Variants in FLT1 observed in about 807,000 individuals in gnomAD.
FLT1 encodes fms related receptor tyrosine kinase 1.
A neutral mutation model predicts 156.3 loss-of-function variants in FLT1; 49 were observed. The observed-to-expected ratio is 0.31, with a 90% CI of 0.25 to 0.40. FLT1 has a LOEUF of 0.40. FLT1 is among the 10% of genes least tolerant of loss of function. The pLI, the probability that FLT1 is intolerant of heterozygous loss-of-function variation, is 1.00. For missense variants in FLT1, 1,322 were observed against 1,637.2 expected, an observed-to-expected ratio of 0.81 and a Z score of 3.32; for synonymous variants, 594 against 583.8, an observed-to-expected ratio of 1.02 and a Z score of -0.25.
At chr13:28,430,025 G>T in intron 8 of FLT1, 25 bp downstream of exon 8, 1 of 1,423,202 alleles carries the variant, frequency 7.0e-7, no homozygotes, top group African/African-American at 1.4e-5. Context: ...GTCTTAAACT[G>T]TTATGGAAAT....
chr13:28,362,674 A>G (rs1042941727), intron 14 of FLT1, among the ~76,000 whole-genome samples: 23 of 152,178 alleles, frequency 1.5e-4, no homozygotes, highest in African/African-American at 5.3e-4. Flanking sequence ...GGAAAAAACA[A>G]CAACAACAAA....
chr13:28,360,423 T>C (rs906650218), intron 14 of FLT1, among the ~76,000 whole-genome samples: 1 of 152,196 alleles, frequency 6.6e-6, no homozygotes, highest in Non-Finnish European at 1.5e-5. Flanking sequence ...ATAGCCAAGA[T>C]ATGGAGGCAA....
At position 28,488,431 on chromosome 13, in the gene FLT1, C is replaced by T. The variant is rs114010909; in HGVS notation, c.64+6349G>A. 6.5e-3 allele frequency among the ~76,000 whole-genome samples: 983 copies of T among 152,156 alleles called. 10 individuals are homozygous for T. Among genetic ancestry groups the T allele is most frequent in the African/African-American group, 0.023 (945 of 41,512 alleles). On this transcript the variant is annotated intron_variant, in intron 1 of 29. Coordinates refer to ENST00000282397, the MANE Select transcript of FLT1 (RefSeq NM_002019.4). ...AAGGAAATGGACCCTGACACCAGAA[C>T]TGACTTTGGATCCTTTACTAAAATC... is the stretch of plus-strand genomic sequence containing the variant.
At chr13:28,433,628 A>G (rs1877836378) in intron 6 of FLT1, among the ~76,000 whole-genome samples, 191 bp downstream of exon 6, 1 of 152,240 alleles carries the variant, frequency 6.6e-6, no homozygotes, top group Non-Finnish European at 1.5e-5. Flanking sequence ...ATCAAAAGAC[A>G]GTATCTATGC....
chr13:28,372,076 ATTTTT>A (rs56114428), intron 14 of FLT1, among the ~76,000 whole-genome samples: 16 of 11,744 alleles, frequency 1.4e-3, no homozygotes, highest in African/African-American at 3.8e-3. Context: ...ATATATATAT[ATTTTT>A]TTTTTTTTTT....
intron 1 of FLT1, among the ~76,000 whole-genome samples, chr13:28,477,914 C>G (rs575534629): frequency 6.6e-6 from 1 of 152,162 alleles, no homozygotes; most frequent in Non-Finnish European, 1.5e-5. Flanking sequence ...CAACTGATTG[C>G]TCAGTGGAGA....
Position 28,327,546 on chromosome 13 carries a change from A to C in FLT1, c.2712T>G (p.Pro904=), listed in dbSNP as rs1457248915. 6.2e-7 allele frequency: 1 copy of C among 1,610,466 alleles called. No homozygotes were observed. The highest frequency in any genetic ancestry group is 1.3e-5 in the African/African-American group (1 of 74,852). ...LLGACTKQGG[P]LMVIVEYCKY... ...TGCAGTATTCAACAATCACCATCAG[A>C]GGCCCTGCAGCCAAAACAGCACATG... Residue 904 remains proline, a synonymous_variant, in exon 20 of 30, where the codon CCT becomes CCG. Coordinates refer to ENST00000282397, the MANE Select transcript of FLT1 (RefSeq NM_002019.4).
intron 1 of FLT1, among the ~76,000 whole-genome samples, chr13:28,481,718 G>C: frequency 6.6e-6 from 1 of 152,224 alleles, no homozygotes; most frequent in East Asian, 1.9e-4. Context: ...TTTAGAAGTA[G>C]AATAGGTGAA....
intron 25 of FLT1, among the ~76,000 whole-genome samples, chr13:28,315,228 T>G (rs60335633): frequency 0.095 from 14,432 of 152,258 alleles, 2,192 homozygotes; most frequent in African/African-American, 0.32. Context: ...CAAATAACTA[T>G]TTAATCAGTA....
At chr13:28,430,188 C>T (rs112941796) in intron 7 of FLT1, 21 bp from the exon 8 acceptor site, 26 of 1,519,420 alleles carry the variant, frequency 1.7e-5, no homozygotes, top group Non-Finnish European at 2.4e-5. Context: ...AGAAGTGATA[C>T]ATACATTAGA....
At chr13:28,388,881 G>A (rs939651938) in intron 13 of FLT1, 49 of 1,063,440 alleles carry the variant, frequency 4.6e-5, no homozygotes, top group Non-Finnish European at 5.4e-5. Context: ...TAAAATTAAG[G>A]CATGATCCAC....
chr13:28,459,173 G>C (rs762422471), intron 3 of FLT1, among the ~76,000 whole-genome samples: 1 of 152,160 alleles, frequency 6.6e-6, no homozygotes, highest in Admixed American at 6.5e-5. Flanking sequence ...AATCTCACCT[G>C]GGTTTCCAGA....
chr13:28,396,510 CA>C (rs1446492084), intron 12 of FLT1, among the ~76,000 whole-genome samples: 1 of 152,164 alleles, frequency 6.6e-6, no homozygotes, highest in African/African-American at 2.4e-5. Context: ...CAGATTGCTA[CA>C]GAGCCTCATT....
intron 1 of FLT1, among the ~76,000 whole-genome samples, chr13:28,473,784 AAGAAAGAAAG>A (rs1880359735): frequency 1.1e-5 from 1 of 93,742 alleles, no homozygotes; most frequent in Non-Finnish European, 2.3e-5. Context: ...GAAGGAAAGA[AAGAAAGAAAG>A]AAAGAAAGAA....
In FLT1 at chr13:28,312,817, G is replaced by C. The variant is rs142944529; in HGVS notation, c.3387-719C>G. Among the ~76,000 whole-genome samples, 484 of 152,248 alleles carry C rather than the reference G, an allele frequency of 3.2e-3. 1 individual carries two copies. The highest frequency in any genetic ancestry group is 4.7e-3 in the Non-Finnish European group (320 of 68,028). ...CACTGCAAAGCCGCTGTTACAAACT[G>C]GCCTCCCACCACTCAAGGCACACAG... On this transcript the variant is annotated intron_variant, in intron 25 of 29. Transcript: ENST00000282397.
At chr13:28,453,017 T>TCCC (rs1438754387) in intron 3 of FLT1, among the ~76,000 whole-genome samples, 4 of 8,084 alleles carry the variant, frequency 4.9e-4, no homozygotes, top group Non-Finnish European at 4.0e-4. Flanking sequence ...CCCCTCCCCC[T>TCCC]CCCCCTCCCC....
At chr13:28,479,710 A>G (rs1880735209) in intron 1 of FLT1, among the ~76,000 whole-genome samples, 1 of 152,198 alleles carries the variant, frequency 6.6e-6, no homozygotes, top group South Asian at 2.1e-4. Context: ...ATACCCATAG[A>G]AGACTTTAGC....
At chr13:28,406,943 A>G (rs1051410477) in intron 10 of FLT1, among the ~76,000 whole-genome samples, 2 of 152,196 alleles carry the variant, frequency 1.3e-5, no homozygotes, top group Non-Finnish European at 2.9e-5. Flanking sequence ...ACGTTCCGTT[A>G]CTATTCCTCC....
At chr13:28,360,230 G>A (rs547817864) in intron 14 of FLT1, among the ~76,000 whole-genome samples, 99 of 152,326 alleles carry the variant, frequency 6.5e-4, no homozygotes, top group African/African-American at 2.2e-3. Context: ...CCTTATACAC[G>A]GTTGGTGGCA....
Sources: gnomAD v4.1 joint callset for allele counts (sites outside exome capture counted in the v4.1 genomes callset) on GRCh38, gnomAD v4.1.1 for gene constraint, MANE v1.5 for transcripts, NCBI Gene and HGNC (gene_info 2026-07-23, HGNC 2026-07-21) for gene names.